The following TRRAP variants were observed in gnomAD, a reference collection of about 807,000 sequenced individuals.
TRRAP encodes the protein transformation/transcription domain associated protein.
Under a neutral mutation model 438.8 loss-of-function variants are expected in TRRAP, and 41 were observed. The observed-to-expected ratio is 0.09, with a 90% confidence interval of 0.07 to 0.12. TRRAP has a LOEUF of 0.12. TRRAP is among the 10% of genes least tolerant of loss of function. The pLI is 1.00. For missense variants in TRRAP, 3,122 were observed against 5,055.1 expected, an observed-to-expected ratio of 0.62 and a Z score of 11.60; for synonymous variants, 1,994 against 1,962.9, an observed-to-expected ratio of 1.02 and a Z score of -0.42.
chr7:98,887,056 A>G (rs1316346675), intron 3 of TRRAP, among the ~76,000 whole-genome samples: 1 of 152,080 alleles, frequency 6.6e-6, no homozygotes, highest in African/African-American at 2.4e-5. Context: ...ATGCACCACC[A>G]TGCTCAGCTT....
rs761710009 is a variant in TRRAP, at chr7:98,965,943, A to G, written c.7176+48A>G. 9.4e-6 allele frequency: 15 copies of G among 1,599,486 alleles called. No homozygotes were observed. In the South Asian group the frequency reaches 1.7e-4, roughly 18 times the overall value. ...GTGATCTCCCTTTCAATAAAAGAAA[A>G]TTCAAGCCTCAACATCTTGGTCTTT... On this transcript the variant is annotated intron_variant, in intron 49 of 72. Coordinates refer to ENST00000456197, the MANE Select transcript of TRRAP (RefSeq NM_001375524.1).
chr7:98,967,916 G>A lies in TRRAP; in HGVS notation c.7512+218G>A, dbSNP rs1316826970. The stretch of plus-strand genomic sequence containing the variant: ...AAATCCTGTGTCAGAAAGTTGAATA[G>A]TATATTTTTGTAGGTGAAGATTCAT... On this transcript the variant is annotated intron_variant, in intron 51 of 72. Coordinates refer to ENST00000456197, the MANE Select transcript of TRRAP (RefSeq NM_001375524.1). 2.6e-5 allele frequency among the ~76,000 whole-genome samples: 4 copies of A among 152,296 alleles called. No individual in the cohort carries two copies. The South Asian group carries it at 6.2e-4, about 24-fold the overall frequency.
At chr7:99,003,433 C>T (rs1055750186) in intron 67 of TRRAP, among the ~76,000 whole-genome samples, 2 of 152,176 alleles carry the variant, frequency 1.3e-5, no homozygotes, top group South Asian at 2.1e-4. Context: ...GACACGAGAC[C>T]TAGGGCTCCG....
Position 98,971,965 on chromosome 7 carries a change from A to C in TRRAP, c.7839+20A>C. On this transcript the variant is annotated intron_variant, in intron 53 of 72. Coordinates refer to ENST00000456197, the MANE Select transcript of TRRAP (RefSeq NM_001375524.1). ...GTGAAGGTCTGTACGCAGCTTGGAA[A>C]GGATTCGTTGCTTTCCTCCCATGGA... is the stretch of plus-strand genomic sequence containing the variant. 5 of 1,611,966 alleles carry C rather than the reference A, an allele frequency of 3.1e-6. No individual in the cohort carries two copies. In the South Asian group the frequency reaches 3.3e-5, roughly 11 times the overall value.
rs1182192260 is a variant in TRRAP, at chr7:98,942,833, T to C, written c.4405-116T>C. On this transcript the variant is annotated intron_variant, in intron 30 of 72. Coordinates refer to ENST00000456197, the MANE Select transcript of TRRAP (RefSeq NM_001375524.1). ...TTAGATGGTTGCGCTGTTTTAATAATGGAAACACTGCAGTTCTCACACTAA... is the reference window on the plus strand; with the variant it reads ...TTAGATGGTTGCGCTGTTTTAATAACGGAAACACTGCAGTTCTCACACTAA... 3.6e-6 allele frequency: 4 copies of C among 1,098,390 alleles called. No homozygotes were observed. In the East Asian group the frequency reaches 7.7e-5, roughly 21 times the overall value. The allele number at this position is 1,098,390 out of a possible 1,614,324, so 68.0% of individuals were successfully genotyped here.
chr7:98,928,113 C>G (rs948004809), intron 23 of TRRAP, among the ~76,000 whole-genome samples: 3 of 152,060 alleles, frequency 2.0e-5, no homozygotes, highest in African/African-American at 7.2e-5. Context: ...TGGTGCATGC[C>G]TGTAATCCCA....
At chr7:98,977,178 T>C in intron 56 of TRRAP, 102 bp downstream of exon 56, 1 of 1,523,012 alleles carries the variant, frequency 6.6e-7, no homozygotes, top group Non-Finnish European at 8.9e-7. Flanking sequence ...TTCTCTTTTT[T>C]TGAGATGGAG....
At chr7:98,966,514 G>T (rs1189368981) in intron 49 of TRRAP, among the ~76,000 whole-genome samples, 2 of 151,936 alleles carry the variant, frequency 1.3e-5, no homozygotes, top group Non-Finnish European at 2.9e-5. Context: ...GTGAAACCCC[G>T]TCTCTACTAA....
At chr7:98,930,359 C>T (rs569679584) in intron 24 of TRRAP, among the ~76,000 whole-genome samples, 153 bp downstream of exon 24, 1 of 152,204 alleles carries the variant, frequency 6.6e-6, no homozygotes, top group African/African-American at 2.4e-5. Context: ...GGCGGCTCAC[C>T]TGAGGTTGGG....
rs782668854 is a variant in TRRAP, at chr7:98,948,723, A to T, written c.4788+38A>T. Reference sequence around the variant, plus strand: ...AGCAGCTGGAGTCAGGGGTCCCTTCAAATGCTTGTGAGCTGTCGTGCTCTG... The same window carrying T: ...AGCAGCTGGAGTCAGGGGTCCCTTCTAATGCTTGTGAGCTGTCGTGCTCTG... On this transcript the variant is annotated intron_variant, in intron 35 of 72. Transcript: ENST00000456197. The surrounding 1 kb of genome is among the most constrained non-coding windows in gnomAD (Gnocchi z 4.9). The T allele has an allele frequency of 2.5e-6, 4 of 1,613,798 alleles. No homozygotes were observed. The East Asian group carries it at 8.9e-5, about 36-fold the overall frequency.
intron 6 of TRRAP, among the ~76,000 whole-genome samples, chr7:98,894,955 C>G (rs944164114): frequency 4.0e-5 from 6 of 151,898 alleles, no homozygotes; most frequent in Non-Finnish European, 7.4e-5. Flanking sequence ...CTTTTTCTCA[C>G]GTTAATGTTT....
chr7:98,951,308 C>T (rs1043135332), intron 39 of TRRAP, among the ~76,000 whole-genome samples: 2 of 152,078 alleles, frequency 1.3e-5, no homozygotes, highest in Non-Finnish European at 1.5e-5. Flanking sequence ...TTTGTGAAAA[C>T]CCCTGTTGCC....
chr7:98,951,059 CTGTGTGTGTGTGTGTGTGTG>C (rs67173253), intron 39 of TRRAP, 55 bp downstream of exon 39: 2 of 968,024 alleles, frequency 2.1e-6, no homozygotes, highest in Non-Finnish European at 2.8e-6. Context: ...GGATGAACAT[CTGTGTGTGTGTGTGTGTGTG>C]TGTGTGTGTG....
At chr7:98,999,952 T>C (rs1394070273) in intron 67 of TRRAP, 2 of 238,148 alleles carry the variant, frequency 8.4e-6, no homozygotes. Flanking sequence ...GAATTGTTAA[T>C]AACAATCAGA....
Position 98,976,425 on chromosome 7 carries a change from A to T in TRRAP, c.7960-58A>T. 1 of 1,580,570 alleles carries T rather than the reference A, an allele frequency of 6.3e-7. No individual in the cohort carries two copies. Among genetic ancestry groups the T allele is most frequent in the Non-Finnish European group, 8.6e-7 (1 of 1,165,706 alleles). On this transcript the variant is annotated intron_variant, in intron 54 of 72. Transcript: ENST00000456197. The surrounding 1 kb of genome is among the most constrained non-coding windows in gnomAD (Gnocchi z 4.6). ...GAAAGGTATTCTTGCATCGAGAGAG[A>T]CAGCAAGACTTGCCGATTTTTGAAT... is the stretch of plus-strand genomic sequence containing the variant.
rs781815123 is a variant in TRRAP, at chr7:98,881,176, C to T, written c.26C>T (p.Ala9Val). 3 of 1,609,436 alleles carry T rather than the reference C, an allele frequency of 1.9e-6. No individual in the cohort carries two copies. The highest frequency in any genetic ancestry group is 2.5e-6 in the Non-Finnish European group (3 of 1,177,674). The change falls in exon 2 of 73, where the codon GCC (alanine) becomes GTC (valine). Residue 9 changes from alanine (A) to valine (V), a missense_variant. Physicochemically the swap from Ala to Val is moderately conservative, Grantham distance 64. This residue lies in a region of TRRAP where 343 missense variants were observed against 564.0 expected (regional missense o/e 0.61). Coordinates refer to ENST00000456197, the MANE Select transcript of TRRAP (RefSeq NM_001375524.1). ...ATGGCGTTTGTTGCAACACAGGGGG[C>T]CACGGTGGTTGACCAGACCACTTTG... MAFVATQG[A>V]TVVDQTTLMK...
At chr7:98,885,261 T>A (rs1795645177) in intron 3 of TRRAP, among the ~76,000 whole-genome samples, 3 of 151,562 alleles carry the variant, frequency 2.0e-5, no homozygotes, top group African/African-American at 7.3e-5. Flanking sequence ...CTAATTTTTT[T>A]TTTTTTAGAG....
intron 61 of TRRAP, among the ~76,000 whole-genome samples, 156 bp downstream of exon 61, chr7:98,984,514 C>T (rs1217716857): frequency 6.6e-6 from 1 of 152,122 alleles, no homozygotes; most frequent in East Asian, 1.9e-4. Context: ...CCTTCCAAAA[C>T]ACAAAAGGGA....
chr7:98,976,656 C>A lies in TRRAP; in HGVS notation c.8133C>A (p.Phe2711Leu). ...TGGGGAAGACACACAACCTCTGGTT[C>A]CGGTCCACGCTGATGTTGGAGCACC... ...KYLGKTHNLWFRSTLMLEHQA... is the reference protein window; with the variant it reads ...KYLGKTHNLWLRSTLMLEHQA... The change falls in exon 55 of 73, where the codon TTC becomes TTA. Residue 2711 changes from phenylalanine (F) to leucine (L), a missense_variant. By Grantham distance (22) the Phe-to-Leu change is conservative. Around this residue, in one of 24 missense-constraint regions of TRRAP, gnomAD observed 992 missense variants for 1,281.2 expected, o/e 0.77. Transcript: ENST00000456197. The surrounding 1 kb of genome is among the most constrained non-coding windows in gnomAD (Gnocchi z 4.6). 2.5e-6 allele frequency: 4 copies of A among 1,614,178 alleles called. No homozygotes were observed. Among genetic ancestry groups the A allele is most frequent in the Non-Finnish European group, 3.4e-6 (4 of 1,180,032 alleles).
Sources: gnomAD v4.1 joint callset for allele counts (sites outside exome capture counted in the v4.1 genomes callset) on GRCh38, gnomAD v4.1.1 for gene constraint, gnomAD v4.1.1 regional missense constraint, Gnocchi (gnomAD v3.1) non-coding constraint, MANE v1.5 for transcripts, NCBI Gene and HGNC (gene_info 2026-07-23, HGNC 2026-07-21) for gene names.